EMB: variants seen among roughly 807,000 people sequenced by gnomAD.
EMB encodes embigin homolog.
Under a neutral mutation model 41.4 loss-of-function variants are expected in EMB, and 31 were observed. The observed-to-expected ratio is 0.75, with a 90% CI of 0.56 to 1.01. The LOEUF (loss-of-function observed/expected upper bound fraction) is 1.01, where lower values mean the gene tolerates loss of function less well. EMB is among the 50% of genes least tolerant of loss of function. The probability of loss-of-function intolerance (pLI) is 0.00; values close to 1 mark genes in which losing one functional copy is unlikely to be tolerated. For missense variants in EMB, 379 were observed against 388.3 expected (o/e 0.98, Z 0.20); for synonymous variants, 137 against 140.4 (o/e 0.98, Z 0.17).
intron 2 of EMB, among the ~76,000 whole-genome samples, chr5:50,413,638 T>C (rs1258252878): frequency 6.6e-6 from 1 of 151,472 alleles, no homozygotes; most frequent in African/African-American, 2.4e-5. Context: ...TACAATGGTG[T>C]CGTCTCAGCT....
At chr5:50,423,941 T>C (rs1403894093) in intron 2 of EMB, among the ~76,000 whole-genome samples, 1 of 152,218 alleles carries the variant, frequency 6.6e-6, no homozygotes, top group South Asian at 2.1e-4. Flanking sequence ...TGTCATCTTG[T>C]GCTGTCGGCT....
chr5:50,433,350 A>G (rs77960189), intron 1 of EMB, among the ~76,000 whole-genome samples: 34 of 151,956 alleles, frequency 2.2e-4, no homozygotes, highest in African/African-American at 8.0e-4. Context: ...TCTTTAAAAA[A>G]ATATAATTTT....
At chr5:50,433,428 A>C (rs1455374584) in intron 1 of EMB, among the ~76,000 whole-genome samples, 2 of 152,220 alleles carry the variant, frequency 1.3e-5, no homozygotes, top group Non-Finnish European at 2.9e-5. Context: ...ATGGGTCACT[A>C]AGATACTTTA....
chr5:50,402,962 T>C (rs1745189441), intron 6 of EMB, among the ~76,000 whole-genome samples: 1 of 149,770 alleles, frequency 6.7e-6, no homozygotes, highest in Admixed American at 6.7e-5. Flanking sequence ...TTTTCAGGAA[T>C]TGAAACAGGA....
At chr5:50,407,887 C>A (rs1242505181) in intron 4 of EMB, among the ~76,000 whole-genome samples, 1 of 151,928 alleles carries the variant, frequency 6.6e-6, no homozygotes, top group East Asian at 1.9e-4. Flanking sequence ...GTGAAAGTAA[C>A]AGCTCTCTGG....
chr5:50,400,010 T>C, intron 7 of EMB, 97 bp from the exon 8 acceptor site: 2 of 741,088 alleles, frequency 2.7e-6, no homozygotes, highest in African/African-American at 1.9e-5. Flanking sequence ...AAATGTAAAA[T>C]GTCAATACGG....
At chr5:50,413,623 T>G (rs1745380615) in intron 2 of EMB, among the ~76,000 whole-genome samples, 1 of 151,536 alleles carries the variant, frequency 6.6e-6, no homozygotes, top group Admixed American at 6.6e-5. Flanking sequence ...TTGCCCAGGC[T>G]GGAGTACAAT....
At chr5:50,413,359 C>G (rs1294321541) in intron 2 of EMB, among the ~76,000 whole-genome samples, 12 of 152,126 alleles carry the variant, frequency 7.9e-5, no homozygotes, top group Non-Finnish European at 1.8e-4. Context: ...AATTATGTCT[C>G]TCTTGAGGAA....
chr5:50,414,746 A>T (rs1745401958), intron 2 of EMB, among the ~76,000 whole-genome samples: 1 of 152,138 alleles, frequency 6.6e-6, no homozygotes, highest in Non-Finnish European at 1.5e-5. Flanking sequence ...ATAATATTTG[A>T]TGTCTCTAGA....
intron 1 of EMB, among the ~76,000 whole-genome samples, chr5:50,433,622 T>C (rs187827189): frequency 4.6e-4 from 70 of 152,326 alleles, no homozygotes; most frequent in African/African-American, 1.6e-3. Flanking sequence ...GCAGGAGACA[T>C]TTGGCAATGT....
chr5:50,403,796 G>A (rs1161802290), intron 5 of EMB, among the ~76,000 whole-genome samples: 7 of 151,904 alleles, frequency 4.6e-5, no homozygotes, highest in African/African-American at 1.7e-4. Context: ...CTTGCCTAGT[G>A]CTTTAAAGTA....
intron 1 of EMB, 106 bp downstream of exon 1, chr5:50,440,934 C>T: frequency 1.3e-6 from 1 of 786,172 alleles, no homozygotes; most frequent in Non-Finnish European, 1.8e-6. Flanking sequence ...CCCCGCGCCT[C>T]TCCCCGCCAC....
Position 50,403,261 on chromosome 5 carries a change from A to G in EMB, c.794T>C (p.Leu265Pro), listed in dbSNP as rs1745195399. The G allele has an allele frequency of 1.2e-6, 2 of 1,612,794 alleles. No homozygotes were observed. Among genetic ancestry groups the G allele is most frequent in the South Asian group, 1.1e-5 (1 of 91,056 alleles). Residue 265 changes from leucine (L) to proline (P), a missense_variant, in exon 6 of 9, where the codon CTT becomes CCT. Transcript: ENST00000303221. Reference protein sequence around the residue: ...LSYLVPLKPFLVIVAEVILLV... With the variant: ...LSYLVPLKPFPVIVAEVILLV... The stretch of plus-strand genomic sequence containing the variant: ...AAGAATCACCTCAGCCACTATTACA[A>G]GAAATGGTTTGAGGGGCACCAAATA...
chr5:50,400,790 A>G (rs374810120), intron 7 of EMB, among the ~76,000 whole-genome samples: 1 of 152,060 alleles, frequency 6.6e-6, no homozygotes, highest in Admixed American at 6.6e-5. Flanking sequence ...TTTCAGAAAA[A>G]TAATTCATCT....
intron 2 of EMB, among the ~76,000 whole-genome samples, chr5:50,414,528 C>CAAAAAAAAAAA (rs34645448): frequency 6.4e-5 from 3 of 46,692 alleles, no homozygotes; most frequent in African/African-American, 2.3e-4. Context: ...CTGTCTCAGG[C>CAAAAAAAAAAA]AAAAAAAAAA....
chr5:50,425,677 A>C (rs771573702), intron 2 of EMB, among the ~76,000 whole-genome samples: 30 of 150,770 alleles, frequency 2.0e-4, no homozygotes, highest in Non-Finnish European at 4.0e-4. Flanking sequence ...ACTTTCACAA[A>C]TTTATGATTA....
intron 2 of EMB, among the ~76,000 whole-genome samples, chr5:50,419,882 A>C (rs1745489590): frequency 2.0e-5 from 3 of 152,224 alleles, no homozygotes; most frequent in Non-Finnish European, 2.9e-5. Context: ...CTTTGCAGGG[A>C]CATGGACGAA....
chr5:50,420,130 C>T (rs544988642), intron 2 of EMB, among the ~76,000 whole-genome samples: 3 of 152,162 alleles, frequency 2.0e-5, no homozygotes, highest in South Asian at 4.2e-4. Flanking sequence ...CCATGGCACA[C>T]GTTTACCTAT....
chr5:50,430,229 A>G (rs1347053771), intron 1 of EMB, among the ~76,000 whole-genome samples: 9 of 152,132 alleles, frequency 5.9e-5, no homozygotes, highest in East Asian at 3.8e-4. Context: ...CTATTCTACT[A>G]TATCATCTGT....
Sources: gnomAD v4.1 joint callset for allele counts (sites outside exome capture counted in the v4.1 genomes callset) on GRCh38, gnomAD v4.1.1 for gene constraint, MANE v1.5 for transcripts, NCBI Gene and HGNC (gene_info 2026-07-23, HGNC 2026-07-21) for gene names.